OTUD7A: variants seen among roughly 807,000 people sequenced by gnomAD.
The protein encoded by OTUD7A is OTU domain-containing protein 7A.
In OTUD7A, 12 loss-of-function variants were observed where a neutral mutation model predicts 65.7. The observed-to-expected ratio is 0.18, with a 90% CI of 0.12 to 0.30. The LOEUF is 0.30. Ranked by LOEUF, OTUD7A falls within the 10% of genes least tolerant of loss-of-function variation. The pLI, the probability that OTUD7A is intolerant of heterozygous loss-of-function variation, is 1.00. For synonymous variants in OTUD7A, 641 were observed against 586.3 expected (o/e 1.09, Z -1.35); for missense variants, 1,148 against 1,304.8 (o/e 0.88, Z 1.85).
chr15:31,860,154 G>A (rs1452191669), intron 1 of OTUD7A, among the ~76,000 whole-genome samples: 1 of 151,994 alleles, frequency 6.6e-6, no homozygotes, highest in Non-Finnish European at 1.5e-5. Flanking sequence ...AAAAATCTAT[G>A]GAATGGAAAA....
chr15:31,610,618 T>TATATATATATATATA (rs1555401191), intron 3 of OTUD7A, among the ~76,000 whole-genome samples: 1 of 11,844 alleles, frequency 8.4e-5, no homozygotes, highest in Middle Eastern at 0.029. Context: ...TATATATATA[T>TATATATATATATATA]TTTTTTTTTT....
intron 1 of OTUD7A, chr15:31,766,050 C>T (rs898344742): frequency 1.9e-6 from 3 of 1,547,630 alleles, no homozygotes; most frequent in African/African-American, 2.7e-5. Context: ...AGCAAATAGT[C>T]CATCTCCAGG....
chr15:31,838,310 T>C (rs1017715328), intron 1 of OTUD7A, among the ~76,000 whole-genome samples: 2 of 152,212 alleles, frequency 1.3e-5, no homozygotes, highest in African/African-American at 2.4e-5. Flanking sequence ...ATAACAACTT[T>C]TGGTCTACAA....
intron 1 of OTUD7A, among the ~76,000 whole-genome samples, chr15:31,685,915 G>A (rs1011218541): frequency 2.0e-5 from 3 of 152,220 alleles, no homozygotes; most frequent in African/African-American, 7.2e-5. Context: ...GGGGCACAAT[G>A]TCTGTGTGGA....
At chr15:31,536,427 A>G (rs570666932) in intron 5 of OTUD7A, among the ~76,000 whole-genome samples, 34 of 152,366 alleles carry the variant, frequency 2.2e-4, no homozygotes, top group African/African-American at 8.2e-4. Context: ...GAAATATAAC[A>G]TGCACCTCCC....
chr15:31,627,196 C>T (rs1378006567), intron 3 of OTUD7A, among the ~76,000 whole-genome samples: 3 of 151,348 alleles, frequency 2.0e-5, no homozygotes, highest in Non-Finnish European at 4.4e-5. Context: ...CCCATTAACT[C>T]GTCATTTAGC....
chr15:31,787,189 T>C lies in OTUD7A; in HGVS notation c.-100+83318A>G, dbSNP rs111908230. On this transcript the variant is annotated intron_variant, in intron 1 of 12. Transcript: ENST00000307050. Reference sequence around the variant, plus strand: ...CACTGTTTTTCTGAACCAGATGTGATGGCCTTATTGGAGCAAGGAAAAGGG... The same window carrying C: ...CACTGTTTTTCTGAACCAGATGTGACGGCCTTATTGGAGCAAGGAAAAGGG... 4.6e-3 allele frequency among the ~76,000 whole-genome samples: 696 copies of C among 152,306 alleles called. 3 individuals carry two copies. The highest frequency in any genetic ancestry group is 0.016 in the African/African-American group (669 of 41,558).
rs572925600 is a variant in OTUD7A at position 31,698,142 on chromosome 15, T to C, written c.-99-41065A>G. ...TTATGCTAGTGACAATTCCATCTTTTATTAAATATAATTTTTTTCAAACTA... is the reference window on the plus strand; with the variant it reads ...TTATGCTAGTGACAATTCCATCTTTCATTAAATATAATTTTTTTCAAACTA... On this transcript the variant is annotated intron_variant, in intron 1 of 12. Transcript: ENST00000307050. 9.8e-5 allele frequency among the ~76,000 whole-genome samples: 15 copies of C among 152,396 alleles called. No homozygotes were observed. In the East Asian group the frequency reaches 2.7e-3, roughly 27 times the overall value.
intron 1 of OTUD7A, among the ~76,000 whole-genome samples, chr15:31,853,893 G>C (rs760518522): frequency 1.2e-4 from 18 of 152,302 alleles, no homozygotes; most frequent in Non-Finnish European, 2.1e-4. Flanking sequence ...ATGGGAATCA[G>C]GCACAGAAGA....
intron 1 of OTUD7A, among the ~76,000 whole-genome samples, chr15:31,856,986 C>T (rs898543061): frequency 3.9e-5 from 6 of 152,322 alleles, no homozygotes; most frequent in African/African-American, 7.2e-5. Context: ...GGCCGGCAAA[C>T]GCCAACCATC....
chr15:31,738,575 C>T (rs915466995), intron 1 of OTUD7A, among the ~76,000 whole-genome samples: 2 of 152,124 alleles, frequency 1.3e-5, no homozygotes, highest in Non-Finnish European at 2.9e-5. Context: ...GGATTATCTG[C>T]CATGACAGTT....
At chr15:31,805,544 C>G (rs1265014944) in intron 1 of OTUD7A, among the ~76,000 whole-genome samples, 1 of 152,174 alleles carries the variant, frequency 6.6e-6, no homozygotes, top group Non-Finnish European at 1.5e-5. Flanking sequence ...TAAAGGGAGG[C>G]CTGTGATTTA....
intron 1 of OTUD7A, among the ~76,000 whole-genome samples, chr15:31,726,862 T>C (rs1162105264): frequency 6.6e-6 from 1 of 152,150 alleles, no homozygotes; most frequent in Non-Finnish European, 1.5e-5. Flanking sequence ...TCTAGGAAAA[T>C]CCACTTGAAT....
intron 1 of OTUD7A, among the ~76,000 whole-genome samples, chr15:31,676,844 A>G (rs1019150734): frequency 2.0e-5 from 3 of 152,258 alleles, no homozygotes; most frequent in Non-Finnish European, 4.4e-5. Context: ...TCCCTACATC[A>G]TATCACTGAC....
At chr15:31,496,951 T>A (rs2041393769) in intron 10 of OTUD7A, among the ~76,000 whole-genome samples, 1 of 152,204 alleles carries the variant, frequency 6.6e-6, no homozygotes, top group African/African-American at 2.4e-5. Context: ...TGAGTCTCTG[T>A]TCCCAATAAA....
chr15:31,572,158 T>C (rs1168858312), intron 3 of OTUD7A, among the ~76,000 whole-genome samples: 1 of 152,244 alleles, frequency 6.6e-6, no homozygotes, highest in African/African-American at 2.4e-5. Flanking sequence ...CTAGTCTCCT[T>C]ATCTAATTCT....
intron 1 of OTUD7A, among the ~76,000 whole-genome samples, chr15:31,800,620 C>T (rs1416300764): frequency 6.6e-6 from 1 of 152,186 alleles, no homozygotes; most frequent in African/African-American, 2.4e-5. Context: ...CCATGCTCTG[C>T]TGCACAGAGC....
At chr15:31,555,206 C>T (rs1364033376) in intron 5 of OTUD7A, among the ~76,000 whole-genome samples, 1 of 152,168 alleles carries the variant, frequency 6.6e-6, no homozygotes, top group Non-Finnish European at 1.5e-5. Context: ...TTTTCAGAAC[C>T]ACCTGAGCCC....
intron 1 of OTUD7A, among the ~76,000 whole-genome samples, chr15:31,791,318 C>G (rs1440332266): frequency 6.6e-6 from 1 of 152,200 alleles, no homozygotes; most frequent in Non-Finnish European, 1.5e-5. Context: ...AGCTAACGCG[C>G]CCAGCCCTAC....
Sources: allele counts gnomAD v4.1 joint callset (sites outside exome capture counted in the v4.1 genomes callset), GRCh38; gene constraint gnomAD v4.1.1; transcripts MANE v1.5; gene names NCBI Gene and HGNC (gene_info 2026-07-23, HGNC 2026-07-21).